The following PHLPP1 variants were observed in gnomAD, a reference collection of about 807,000 sequenced individuals.
PHLPP1 encodes PH domain leucine-rich repeat-containing protein phosphatase 1.
A neutral mutation model predicts 117.2 loss-of-function variants in PHLPP1; 42 were observed. That is an observed-to-expected ratio of 0.36 (90% CI 0.28 to 0.46). The LOEUF (loss-of-function observed/expected upper bound fraction) is 0.46, where lower values mean the gene tolerates loss of function less well. PHLPP1 is among the 20% of genes least tolerant of loss of function. The probability of loss-of-function intolerance (pLI) is 1.00; values close to 1 mark genes in which losing one functional copy is unlikely to be tolerated. For missense variants in PHLPP1, 2,084 were observed against 2,241.9 expected, an observed-to-expected ratio of 0.93 and a Z score of 1.42; for synonymous variants, 1,042 against 970.7, an observed-to-expected ratio of 1.07 and a Z score of -1.37.
At chr18:62,941,956 T>C (rs754422069) in intron 11 of PHLPP1, 38 bp downstream of exon 11, 30 of 1,490,400 alleles carry the variant, frequency 2.0e-5, no homozygotes, top group Non-Finnish European at 2.8e-5. Context: ...TGAATTGCAT[T>C]TCTCAAAGTG....
At chr18:62,771,227 A>G (rs948737639) in intron 1 of PHLPP1, among the ~76,000 whole-genome samples, 3 of 151,314 alleles carry the variant, frequency 2.0e-5, no homozygotes, top group African/African-American at 4.9e-5. Context: ...AAAAAAAAAA[A>G]AAAGAAAGCA....
intron 13 of PHLPP1, among the ~76,000 whole-genome samples, chr18:62,959,910 CG>C: frequency 6.6e-6 from 1 of 152,114 alleles, no homozygotes; most frequent in Non-Finnish European, 1.5e-5. Flanking sequence ...GCGTAGAGAC[CG>C]AGGTTCTCTC....
At chr18:62,845,033 G>A (rs1049650075) in intron 3 of PHLPP1, among the ~76,000 whole-genome samples, 1 of 152,146 alleles carries the variant, frequency 6.6e-6, no homozygotes, top group Non-Finnish European at 1.5e-5. Context: ...CTTCAACATT[G>A]TCCCAGTTCT....
rs1253006723 is a variant in PHLPP1, at chr18:62,819,026, TGTA to T, written c.1577-11005_1577-11003del. On this transcript the variant is annotated intron_variant, in intron 1 of 16. Coordinates refer to ENST00000262719, the MANE Select transcript of PHLPP1 (RefSeq NM_194449.4). ...GATGTATGTGTTAGACAAAGTAAAA[TGTA>T]GTAAAATAATTAGGATGTAATGAGT... Among the ~76,000 whole-genome samples the T allele has an allele frequency of 1.1e-4, 16 of 152,318 alleles. No homozygotes were observed. The South Asian group carries it at 1.2e-3, about 12-fold the overall frequency.
chr18:62,912,628 T>G (rs1916988942), intron 8 of PHLPP1, among the ~76,000 whole-genome samples: 1 of 152,174 alleles, frequency 6.6e-6, no homozygotes. Context: ...TTTTCTTTTT[T>G]TGTTTTTTTG....
chr18:62,932,946 G>A (rs1354497769), intron 10 of PHLPP1, among the ~76,000 whole-genome samples: 1 of 152,138 alleles, frequency 6.6e-6, no homozygotes. Flanking sequence ...CCCGAAATCA[G>A]TAGCATTCCT....
At chr18:62,976,525 G>A (rs7237825) in intron 16 of PHLPP1, among the ~76,000 whole-genome samples, 8,264 of 152,220 alleles carry the variant, frequency 0.054, 706 homozygotes, top group African/African-American at 0.19. Context: ...AATTGTGTTT[G>A]GCATAATGTT....
chr18:62,839,202 G>A, intron 3 of PHLPP1: 1 of 282,644 alleles, frequency 3.5e-6, no homozygotes, highest in Non-Finnish European at 6.7e-6. Context: ...AATATTTGAG[G>A]GACTGACCCA....
chr18:62,936,999 TAG>T (rs1364171616), intron 10 of PHLPP1, among the ~76,000 whole-genome samples: 1 of 152,236 alleles, frequency 6.6e-6, no homozygotes, highest in African/African-American at 2.4e-5. Flanking sequence ...TGTGACTATG[TAG>T]AGTTTTAATG....
At chr18:62,831,616 C>T (rs1350169552) in intron 2 of PHLPP1, among the ~76,000 whole-genome samples, 2 of 152,164 alleles carry the variant, frequency 1.3e-5, no homozygotes, top group South Asian at 2.1e-4. Context: ...AGATTACAGG[C>T]ATGAGCCACT....
chr18:62,760,499 A>G (rs1912183677), intron 1 of PHLPP1, among the ~76,000 whole-genome samples: 1 of 152,228 alleles, frequency 6.6e-6, no homozygotes, highest in Non-Finnish European at 1.5e-5. Flanking sequence ...TGGTTTTGGC[A>G]GCCAGGTAGA....
chr18:62,896,382 G>A (rs2144399990), intron 6 of PHLPP1, among the ~76,000 whole-genome samples: 1 of 149,740 alleles, frequency 6.7e-6, no homozygotes, highest in South Asian at 2.1e-4. Context: ...AGCTCCGCCT[G>A]CCAGGTTCAT....
intron 1 of PHLPP1, among the ~76,000 whole-genome samples, chr18:62,729,565 C>T (rs919436019): frequency 3.3e-5 from 5 of 152,120 alleles, no homozygotes; most frequent in African/African-American, 9.7e-5. Flanking sequence ...ATCCCAGCTA[C>T]TCGGGAGGCC....
At chr18:62,925,080 C>T (rs1216087775) in intron 10 of PHLPP1, among the ~76,000 whole-genome samples, 3 of 151,780 alleles carry the variant, frequency 2.0e-5, no homozygotes, top group Admixed American at 2.0e-4. Context: ...TGATGGAAAC[C>T]CCAAAAGAGT....
intron 4 of PHLPP1, among the ~76,000 whole-genome samples, chr18:62,879,951 A>G (rs980263942): frequency 4.6e-5 from 7 of 152,034 alleles, no homozygotes; most frequent in Non-Finnish European, 2.9e-5. Context: ...TCACTTTTGT[A>G]AACACTCATG....
In PHLPP1 at chr18:62,716,712, G is replaced by C; in HGVS notation, c.1029G>C (p.Val343=). Residue 343 remains valine (V), a synonymous_variant, in exon 1 of 17, where the codon GTG becomes GTC. Transcript: ENST00000262719. This position sits in a 1 kb window ranked among gnomAD's most constrained non-coding sequence, Gnocchi z 5.7. ...CTTCGCCCCGCGCCCCACGGCCTGT[G>C]GTCTCCGACACCGAGAGCTTCAGTC... The part of the protein sequence containing the change: ...PVSSPRAPRP[V]VSDTESFSLS... The C allele has an allele frequency of 6.7e-7, 1 of 1,495,222 alleles. No homozygotes were observed. Among genetic ancestry groups the C allele is most frequent in the South Asian group, 1.2e-5 (1 of 80,468 alleles). The allele number at this position is 1,495,222 out of a possible 1,614,324, so 92.6% of individuals were successfully genotyped here.
At chr18:62,814,352 GCTT>G (rs1914205463) in intron 1 of PHLPP1, among the ~76,000 whole-genome samples, 1 of 152,292 alleles carries the variant, frequency 6.6e-6, no homozygotes, top group South Asian at 2.1e-4. Context: ...TCCTTGCTGA[GCTT>G]CTTTTAGCTT....
intron 7 of PHLPP1, among the ~76,000 whole-genome samples, chr18:62,904,707 GC>G (rs1471435438): frequency 6.6e-6 from 1 of 152,222 alleles, no homozygotes; most frequent in East Asian, 1.9e-4. Flanking sequence ...GTTTAGAGAA[GC>G]AGAAGGACAT....
chr18:62,832,089 T>C (rs1914774522), intron 2 of PHLPP1: 1 of 152,258 alleles, frequency 6.6e-6, no homozygotes, highest in African/African-American at 2.4e-5. Context: ...ACAGTCTCTC[T>C]CTTTGTGATG....
Sources: gnomAD v4.1 joint callset for allele counts (sites outside exome capture counted in the v4.1 genomes callset) on GRCh38, gnomAD v4.1.1 for gene constraint, Gnocchi (gnomAD v3.1) non-coding constraint, MANE v1.5 for transcripts, NCBI Gene and HGNC (gene_info 2026-07-23, HGNC 2026-07-21) for gene names.